LRRC9: variants seen among roughly 807,000 people sequenced by gnomAD.
LRRC9 encodes leucine-rich repeat-containing protein 9.
Under a neutral mutation model 63.2 loss-of-function variants are expected in LRRC9, and 122 were observed. That is an observed-to-expected ratio of 1.93 (90% CI 1.67 to 2.24). The LOEUF (loss-of-function observed/expected upper bound fraction) is 2.24, where lower values mean the gene tolerates loss of function less well. Among genes scored for constraint, LRRC9 ranks in the 30% most tolerant of loss-of-function variants. The pLI, the probability that LRRC9 is intolerant of heterozygous loss-of-function variation, is 0.00. For synonymous variants in LRRC9, 366 were observed against 213.1 expected, an observed-to-expected ratio of 1.72 and a Z score of -6.25; for missense variants, 1,071 against 627.7, an observed-to-expected ratio of 1.71 and a Z score of -7.55.
At chr14:59,976,951 A>G (rs219327) in intron 13 of LRRC9, among the ~76,000 whole-genome samples, 112,852 of 152,086 alleles carry the variant, frequency 0.74, 44,147 homozygotes, top group Non-Finnish European at 0.87. Context: ...TGCCGAATTA[A>G]TGTGTTCTTT....
chr14:60,062,063 T>C (rs1894689889), intron 31 of LRRC9: 1 of 398,824 alleles, frequency 2.5e-6, no homozygotes, highest in Non-Finnish European at 4.4e-6. Flanking sequence ...GGAGCATCCA[T>C]GCAGAAATAG....
Position 59,936,909 on chromosome 14 carries a change from G to A in LRRC9, c.544-1481G>A, listed in dbSNP as rs143555213. Among the ~76,000 whole-genome samples the A allele has an allele frequency of 1.3e-5, 2 of 152,080 alleles. No homozygotes were observed. Among genetic ancestry groups the A allele is most frequent in the South Asian group, 4.1e-4 (2 of 4,820 alleles). On this transcript the variant is annotated intron_variant, in intron 6 of 31. Transcript: ENST00000445360. The surrounding 1 kb of genome is among the most constrained non-coding windows in gnomAD (Gnocchi z 4.2). Reference sequence around the variant, plus strand: ...GTAGCTTTAGACCTAATGCTTCCTAGTTCTTCCTTTGGATTTCCCTTAACT... The same window carrying A: ...GTAGCTTTAGACCTAATGCTTCCTAATTCTTCCTTTGGATTTCCCTTAACT...
rs115725489 is a variant in LRRC9 at position 59,945,729 on chromosome 14, C to T, written c.882+985C>T. ...AATATCCTTAGTATAAAAAGGTGCT[C>T]ATATGTAAAACAAAATAAAAGGTAA... On this transcript the variant is annotated intron_variant, in intron 8 of 31. Transcript: ENST00000445360. 5.4e-3 allele frequency among the ~76,000 whole-genome samples: 825 copies of T among 151,792 alleles called. 11 individuals are homozygous for T. Among genetic ancestry groups the T allele is most frequent in the African/African-American group, 0.017 (718 of 41,430 alleles).
intron 15 of LRRC9, among the ~76,000 whole-genome samples, chr14:59,978,453 G>T (rs1460431356): frequency 6.6e-6 from 1 of 152,072 alleles, no homozygotes; most frequent in Non-Finnish European, 1.5e-5. Flanking sequence ...TTTCACCAGG[G>T]AATCCACTGT....
chr14:59,956,433 C>G (rs1883760812), intron 8 of LRRC9, among the ~76,000 whole-genome samples: 1 of 152,066 alleles, frequency 6.6e-6, no homozygotes, highest in African/African-American at 2.4e-5. Context: ...TGTAAAGCCT[C>G]TTTTATCAGA....
At chr14:60,054,705 G>C (rs900749848) in intron 30 of LRRC9, among the ~76,000 whole-genome samples, 3 of 152,014 alleles carry the variant, frequency 2.0e-5, no homozygotes, top group African/African-American at 7.2e-5. Flanking sequence ...ATTGATGAAT[G>C]CATGTACTTT....
rs1566865429 is a variant in LRRC9, at chr14:60,001,998, GGA to G, written c.2567_2568del (p.Arg856ThrfsTer5). ...TCTTACGGCATTCTAGTACTAAAGA[GGA>G]GAGACCACGGATACTTAGTATATGG... On this transcript the variant is annotated frameshift_variant, in exon 20 of 32. Coordinates refer to ENST00000445360, the Ensembl canonical transcript of LRRC9. LOFTEE classifies it high-confidence loss of function. 1.4e-6 allele frequency: 1 copy of G among 698,914 alleles called. No individual in the cohort carries two copies. Among genetic ancestry groups the G allele is most frequent in the Admixed American group, 2.0e-5 (1 of 49,284 alleles). 43.3% of individuals were successfully genotyped at this position (698,914 alleles called of 1,614,324 possible).
In LRRC9 at chr14:60,005,710, A is replaced by G. The variant is rs1304972214; in HGVS notation, c.2843-687A>G. On this transcript the variant is annotated intron_variant, in intron 21 of 31. Coordinates refer to ENST00000445360, the Ensembl canonical transcript of LRRC9. ...TAACTCCTTGGAAGTAAATTTTAGT[A>G]TGCCCGTTTTATGGATGAGGAAATT... 2.0e-5 allele frequency among the ~76,000 whole-genome samples: 3 copies of G among 152,238 alleles called. No homozygotes were observed. In the East Asian group the frequency reaches 5.8e-4, roughly 29 times the overall value.
intron 17 of LRRC9, among the ~76,000 whole-genome samples, chr14:59,993,145 G>T (rs1888348354): frequency 1.3e-5 from 2 of 152,160 alleles, no homozygotes; most frequent in Non-Finnish European, 2.9e-5. Context: ...GAGGACAGTG[G>T]GGACCAATAT....
intron 12 of LRRC9, among the ~76,000 whole-genome samples, chr14:59,968,338 C>G (rs1472135134): frequency 6.6e-6 from 1 of 152,104 alleles, no homozygotes; most frequent in Non-Finnish European, 1.5e-5. Context: ...TGAAAAAGTT[C>G]TGGAAATGGA....
intron 7 of LRRC9, among the ~76,000 whole-genome samples, chr14:59,939,435 T>A (rs959596488): frequency 6.6e-6 from 1 of 151,946 alleles, no homozygotes; most frequent in Non-Finnish European, 1.5e-5. Context: ...GGGACTAAGA[T>A]GACTTATGTT....
chr14:59,924,734 A>G (rs1440692982), intron 1 of LRRC9, among the ~76,000 whole-genome samples: 1 of 152,168 alleles, frequency 6.6e-6, no homozygotes, highest in Non-Finnish European at 1.5e-5. Flanking sequence ...AATAAAATAC[A>G]AAATCCTCAC....
At position 59,958,014 on chromosome 14, in the gene LRRC9, G is replaced by A. The variant is rs1460855896; in HGVS notation, c.883-1804G>A. On this transcript the variant is annotated intron_variant, in intron 8 of 31. Coordinates refer to ENST00000445360, the Ensembl canonical transcript of LRRC9. This position sits in a 1 kb window ranked among gnomAD's most constrained non-coding sequence, Gnocchi z 4.0. ...TTCCTCTGGAAGCTTCATCCTGAAG[G>A]AGCACTGGCCTGATGCCAACCAGAG... Among the ~76,000 whole-genome samples the A allele has an allele frequency of 3.3e-5, 5 of 152,210 alleles. No individual in the cohort carries two copies. The highest frequency in any genetic ancestry group is 7.3e-5 in the Non-Finnish European group (5 of 68,036).
chr14:60,052,078 C>G (rs1305299344), intron 29 of LRRC9, among the ~76,000 whole-genome samples: 1 of 152,184 alleles, frequency 6.6e-6, no homozygotes, highest in Non-Finnish European at 1.5e-5. Flanking sequence ...TGCTTTCACT[C>G]CTCTCTGGGA....
Position 59,990,303 on chromosome 14 carries a change from GAGA to G in LRRC9, c.2211+5082_2211+5084del, listed in dbSNP as rs1420906436. Among the ~76,000 whole-genome samples the G allele has an allele frequency of 9.2e-5, 14 of 152,162 alleles. No individual in the cohort carries two copies. The highest frequency in any genetic ancestry group is 3.4e-4 in the African/African-American group (14 of 41,446). On this transcript the variant is annotated intron_variant, in intron 17 of 31. Transcript: ENST00000445360. This position sits in a 1 kb window ranked among gnomAD's most constrained non-coding sequence, Gnocchi z 4.2. ...GTTTAGCCCCAACAGTTTCTTCTAT[GAGA>G]AGGATTCTGTCTTGAAGAGAGTCCT...
rs1051362547 is a variant in LRRC9 at position 60,058,158 on chromosome 14, C to T, written c.4276+136C>T. The T allele has an allele frequency of 1.8e-5, 8 of 456,710 alleles. No homozygotes were observed. The highest frequency in any genetic ancestry group is 1.4e-4 in the African/African-American group (7 of 51,742). The allele number at this position is 456,710 out of a possible 1,614,324, so 28.3% of individuals were successfully genotyped here. On this transcript the variant is annotated intron_variant, in intron 31 of 31. Coordinates refer to ENST00000445360, the Ensembl canonical transcript of LRRC9. The surrounding 1 kb of genome is among the most constrained non-coding windows in gnomAD (Gnocchi z 4.4). ...TAAAATTGCATGTTTGCTCAAGTTT[C>T]CTATGGCCATTTTGATTTCAGAGAT...
intron 8 of LRRC9, among the ~76,000 whole-genome samples, chr14:59,952,242 G>A (rs200848187): frequency 1.3e-5 from 2 of 152,048 alleles, no homozygotes; most frequent in African/African-American, 4.8e-5. Flanking sequence ...CGCAATATTC[G>A]GGTGGGAGTG....
chr14:59,926,938 T>C (rs1390418577), intron 1 of LRRC9, among the ~76,000 whole-genome samples: 1 of 152,134 alleles, frequency 6.6e-6, no homozygotes, highest in Non-Finnish European at 1.5e-5. Flanking sequence ...TAAATGTCTA[T>C]ACATTCATAC....
chr14:60,003,824 C>T lies in LRRC9; in HGVS notation c.2842+26C>T, dbSNP rs767218032. On this transcript the variant is annotated intron_variant, in intron 21 of 31. Transcript: ENST00000445360. This position sits in a 1 kb window ranked among gnomAD's most constrained non-coding sequence, Gnocchi z 4.2. The stretch of plus-strand genomic sequence containing the variant: ...GTAAGGTACTTAAGAACTTTGAAGT[C>T]TCAAAATATGGGATGTCTAAACAAC... The T allele has an allele frequency of 1.8e-6, 1 of 544,398 alleles. No homozygotes were observed. Among genetic ancestry groups the T allele is most frequent in the South Asian group, 2.5e-5 (1 of 39,942 alleles). The allele number at this position is 544,398 out of a possible 1,614,324, so 33.7% of individuals were successfully genotyped here.
Sources: allele counts gnomAD v4.1 joint callset (sites outside exome capture counted in the v4.1 genomes callset), GRCh38; gene constraint gnomAD v4.1.1; non-coding constraint Gnocchi (gnomAD v3.1); transcripts MANE v1.5; gene names NCBI Gene and HGNC (gene_info 2026-07-23, HGNC 2026-07-21).